Variants in CACNA2D2 observed in about 807,000 individuals in gnomAD.
The protein encoded by CACNA2D2 is voltage-dependent calcium channel subunit alpha-2/delta-2.
CACNA2D2 carries 48 observed loss-of-function variants against 166.4 expected under a neutral mutation model. The observed-to-expected ratio is 0.29, with a 90% confidence interval of 0.23 to 0.37. The LOEUF (loss-of-function observed/expected upper bound fraction) is 0.37. CACNA2D2 is among the 10% of genes least tolerant of loss of function. CACNA2D2 has a pLI of 1.00. For missense variants in CACNA2D2, 1,122 were observed against 1,433.0 expected (o/e 0.78, Z 3.50); for synonymous variants, 561 against 573.7 (o/e 0.98, Z 0.32).
intron 2 of CACNA2D2, among the ~76,000 whole-genome samples, chr3:50,461,362 G>A (rs1002086728): frequency 6.6e-6 from 1 of 152,180 alleles, no homozygotes; most frequent in Non-Finnish European, 1.5e-5. Flanking sequence ...TCTCTGTTGA[G>A]CGTTGGGGAG....
intron 1 of CACNA2D2, among the ~76,000 whole-genome samples, chr3:50,478,093 C>T (rs961535510): frequency 1.2e-4 from 19 of 152,314 alleles, no homozygotes; most frequent in Admixed American, 3.9e-4. Context: ...GTATTAGCTT[C>T]GGCTTGTTGC....
At chr3:50,434,540 C>T in intron 2 of CACNA2D2, 111 bp from the exon 3 acceptor site, 1 of 785,776 alleles carries the variant, frequency 1.3e-6, no homozygotes, top group East Asian at 2.5e-5. Flanking sequence ...CACCCGCACC[C>T]AGACCCTGTC....
At chr3:50,394,190 G>A in intron 3 of CACNA2D2, 22 bp from the exon 4 acceptor site, 1 of 1,611,680 alleles carries the variant, frequency 6.2e-7, no homozygotes, top group South Asian at 1.1e-5. Flanking sequence ...AGCACAGGGA[G>A]GTCAGAAGCG....
At chr3:50,472,891 G>C (rs1233579799) in intron 2 of CACNA2D2, among the ~76,000 whole-genome samples, 3 of 152,214 alleles carry the variant, frequency 2.0e-5, no homozygotes, top group African/African-American at 7.2e-5. Flanking sequence ...ACAATATGGT[G>C]CTGAAGTGGG....
At chr3:50,482,399 C>A (rs1021896145) in intron 1 of CACNA2D2, among the ~76,000 whole-genome samples, 1 of 152,210 alleles carries the variant, frequency 6.6e-6, no homozygotes, top group Admixed American at 6.5e-5. Context: ...GTACTGAGTG[C>A]CTAGATCCAG....
chr3:50,496,457 C>T (rs947125189), intron 1 of CACNA2D2, among the ~76,000 whole-genome samples: 1 of 152,232 alleles, frequency 6.6e-6, no homozygotes, highest in Non-Finnish European at 1.5e-5. Context: ...CATGTGCACA[C>T]AGGCAAAGGC....
In CACNA2D2 at chr3:50,476,339, C is replaced by G. The variant is rs1019409201; in HGVS notation, c.207-140G>C. On this transcript the variant is annotated intron_variant, in intron 1 of 37. Coordinates refer to ENST00000424201, the MANE Select transcript of CACNA2D2 (RefSeq NM_006030.4). ...CTAGAGGAGGACCCACAGCAAGGAACCAGCAAGCACCTGCGATTCCCCTTT... is the reference window on the plus strand; with the variant it reads ...CTAGAGGAGGACCCACAGCAAGGAAGCAGCAAGCACCTGCGATTCCCCTTT... 2.2e-5 allele frequency: 14 copies of G among 644,724 alleles called. No homozygotes were observed. The African/African-American group carries it at 2.3e-4, about 11-fold the overall frequency. The allele number at this position is 644,724 out of a possible 1,614,324, so 39.9% of individuals were successfully genotyped here. A position where few individuals can be genotyped will look rare whatever the true frequency, so the allele number is the denominator to read the frequency against.
intron 2 of CACNA2D2, among the ~76,000 whole-genome samples, chr3:50,473,922 G>A (rs1710201812): frequency 6.6e-6 from 1 of 152,234 alleles, no homozygotes; most frequent in South Asian, 2.1e-4. Flanking sequence ...GGCAGCCATC[G>A]GCAGGCAGAG....
intron 2 of CACNA2D2, among the ~76,000 whole-genome samples, chr3:50,445,468 T>A (rs1253215298): frequency 6.6e-6 from 1 of 152,248 alleles, no homozygotes; most frequent in Non-Finnish European, 1.5e-5. Context: ...CACCTCCTGA[T>A]GCCATCTTAC....
Position 50,379,019 on chromosome 3 carries a change from G to T in CACNA2D2, c.1261-26C>A, listed in dbSNP as rs766673781. 6.2e-6 allele frequency: 10 copies of T among 1,613,734 alleles called. No individual in the cohort carries two copies. In the Admixed American group the frequency reaches 1.7e-4, roughly 27 times the overall value. ...CTGTGGGGGGTTTGAGGTTACTGCTGTGGCCACCAGGGGACAGCCCTCTTC... is the reference window on the plus strand; with the variant it reads ...CTGTGGGGGGTTTGAGGTTACTGCTTTGGCCACCAGGGGACAGCCCTCTTC... On this transcript the variant is annotated intron_variant, in intron 12 of 37. Transcript: ENST00000424201. This position sits in a 1 kb window ranked among gnomAD's most constrained non-coding sequence, Gnocchi z 6.5.
Position 50,364,667 on chromosome 3 carries a change from C to G in CACNA2D2, c.3431G>C (p.Ter1144SerextTer44). The change falls in exon 38 of 38, where the codon TGA becomes TCA. Residue 1144 changes from the stop codon to serine, a stop_lost. Transcript: ENST00000424201. ...TGGAGGTGGGGTGGGGCAGGGTGCT[C>G]AGAGGCGGCGAGAGGCGTGGACGAG... ...QVLVHASRRL[*>S] 1.3e-6 allele frequency: 2 copies of G among 1,522,854 alleles called. No homozygotes were observed. The highest frequency in any genetic ancestry group is 1.8e-6 in the Non-Finnish European group (2 of 1,133,370). The allele number at this position is 1,522,854 out of a possible 1,614,324, so 94.3% of individuals were successfully genotyped here.
chr3:50,377,948 G>C (rs1705075432), intron 15 of CACNA2D2, 60 bp downstream of exon 15: 1 of 1,565,428 alleles, frequency 6.4e-7, no homozygotes, highest in Non-Finnish European at 8.8e-7. Context: ...TCTTGACCCT[G>C]TGGGCACATC....
intron 1 of CACNA2D2, among the ~76,000 whole-genome samples, chr3:50,485,702 G>A (rs991383740): frequency 1.3e-5 from 2 of 152,206 alleles, no homozygotes; most frequent in African/African-American, 2.4e-5. Flanking sequence ...TGCAGGGGTC[G>A]GGGGAGAACC....
chr3:50,418,214 G>C (rs57527218), intron 3 of CACNA2D2, among the ~76,000 whole-genome samples: 38 of 152,280 alleles, frequency 2.5e-4, no homozygotes, highest in African/African-American at 8.9e-4. Context: ...CTGGACCAGG[G>C]AAGGACACAC....
chr3:50,367,528 A>G lies in CACNA2D2; in HGVS notation c.2298-31T>C. 1 of 1,610,342 alleles carries G rather than the reference A, an allele frequency of 6.2e-7. No individual in the cohort carries two copies. The highest frequency in any genetic ancestry group is 8.5e-7 in the Non-Finnish European group (1 of 1,176,966). ...GCACCCAAGAGGCAGACTGGTAGGTAAGGGGTGGCTTGTCGGGGACAGTGG... is the reference window on the plus strand; with the variant it reads ...GCACCCAAGAGGCAGACTGGTAGGTGAGGGGTGGCTTGTCGGGGACAGTGG... On this transcript the variant is annotated intron_variant, in intron 26 of 37. Transcript: ENST00000424201. This position sits in a 1 kb window ranked among gnomAD's most constrained non-coding sequence, Gnocchi z 6.5.
chr3:50,453,306 C>G (rs1212859064), intron 2 of CACNA2D2, among the ~76,000 whole-genome samples: 6 of 152,212 alleles, frequency 3.9e-5, no homozygotes, highest in Non-Finnish European at 1.5e-5. Flanking sequence ...TCCATCTGTA[C>G]TGCACATACA....
chr3:50,494,257 C>T (rs1199664708), intron 1 of CACNA2D2, among the ~76,000 whole-genome samples: 2 of 149,058 alleles, frequency 1.3e-5, no homozygotes, highest in African/African-American at 4.9e-5. Flanking sequence ...GGGGGCAGGG[C>T]GGGGGTGGGT....
At chr3:50,475,079 C>A (rs1710251353) in intron 2 of CACNA2D2, among the ~76,000 whole-genome samples, 1 of 152,166 alleles carries the variant, frequency 6.6e-6, no homozygotes, top group African/African-American at 2.4e-5. Flanking sequence ...AGAGGTCCTA[C>A]ATTCACACCC....
At chr3:50,462,700 A>T (rs995113062) in intron 2 of CACNA2D2, among the ~76,000 whole-genome samples, 20 of 152,004 alleles carry the variant, frequency 1.3e-4, no homozygotes, top group African/African-American at 4.6e-4. Flanking sequence ...CGACATAAGT[A>T]TGTCATTTAG....
Sources: allele counts gnomAD v4.1 joint callset (sites outside exome capture counted in the v4.1 genomes callset), GRCh38; gene constraint gnomAD v4.1.1; non-coding constraint Gnocchi (gnomAD v3.1); transcripts MANE v1.5; gene names NCBI Gene and HGNC (gene_info 2026-07-23, HGNC 2026-07-21).